SLC30A6: variants seen among roughly 807,000 people sequenced by gnomAD.
SLC30A6 encodes the protein zinc transporter 6.
SLC30A6 carries 55 observed loss-of-function variants against 63.0 expected under a neutral mutation model. That is an observed-to-expected ratio of 0.87 (90% CI 0.70 to 1.09). The LOEUF is 1.09. SLC30A6 is among the 50% of genes least tolerant of loss of function. The probability of loss-of-function intolerance (pLI) is 0.00; values close to 1 mark genes in which losing one functional copy is unlikely to be tolerated. For synonymous variants in SLC30A6, 224 were observed against 186.1 expected, an observed-to-expected ratio of 1.20 and a Z score of -1.66; for missense variants, 587 against 549.2, an observed-to-expected ratio of 1.07 and a Z score of -0.69.
At position 32,193,817 on chromosome 2, in the gene SLC30A6, C is replaced by T. The variant is rs1468143895; in HGVS notation, c.402-72C>T. The T allele has an allele frequency of 3.3e-6, 4 of 1,194,120 alleles. No individual in the cohort carries two copies. In the African/African-American group the frequency reaches 4.5e-5, roughly 14 times the overall value. The allele number at this position is 1,194,120 out of a possible 1,614,324, so 74.0% of individuals were successfully genotyped here. On this transcript the variant is annotated intron_variant, in intron 7 of 13. Transcript: ENST00000282587. ...TTTACCTTCCCACCTCTTAGTCCCT[C>T]TACGTATTGAAATTACATACTGATA...
intron 13 of SLC30A6, among the ~76,000 whole-genome samples, chr2:32,210,625 C>T (rs1466448505): frequency 6.7e-6 from 1 of 148,164 alleles, no homozygotes; most frequent in Non-Finnish European, 1.5e-5. Flanking sequence ...TCATTAAATA[C>T]TCTTCTACAG....
intron 4 of SLC30A6, among the ~76,000 whole-genome samples, chr2:32,181,620 A>G (rs1383898757): frequency 4.6e-5 from 7 of 152,160 alleles, no homozygotes; most frequent in Admixed American, 4.6e-4. Flanking sequence ...TAATCCCAGC[A>G]CTTTGGGAGT....
At chr2:32,171,453 A>G (rs1039874196) in intron 2 of SLC30A6, 80 bp downstream of exon 2, 48 of 1,119,592 alleles carry the variant, frequency 4.3e-5, no homozygotes, top group Middle Eastern at 2.0e-4. Flanking sequence ...TTTAAGGCCA[A>G]TAGAAATCAC....
At chr2:32,171,256 A>G in intron 1 of SLC30A6, 31 bp from the exon 2 acceptor site, 1 of 1,572,180 alleles carries the variant, frequency 6.4e-7, no homozygotes, top group Non-Finnish European at 8.7e-7. Flanking sequence ...TTAAATATCT[A>G]AATGCTGATT....
intron 4 of SLC30A6, among the ~76,000 whole-genome samples, chr2:32,182,578 T>C (rs1352102475): frequency 6.6e-6 from 1 of 152,162 alleles, no homozygotes. Flanking sequence ...CTGGGCCCCA[T>C]TGTAAGAATC....
intron 10 of SLC30A6, 129 bp downstream of exon 10, chr2:32,197,955 C>A: frequency 9.0e-7 from 1 of 1,110,510 alleles, no homozygotes; most frequent in South Asian, 1.6e-5. Context: ...TAGATCACAT[C>A]TTTTCCTTAG....
rs753503016 is a variant in SLC30A6 at position 32,192,921 on chromosome 2, A to G, written c.369A>G (p.Ala123=). The G allele has an allele frequency of 4.6e-6, 7 of 1,529,024 alleles. No homozygotes were observed. The highest frequency in any genetic ancestry group is 2.4e-5 in the East Asian group (1 of 42,490). The allele number at this position is 1,529,024 out of a possible 1,614,324, so 94.7% of individuals were successfully genotyped here. A position where few individuals can be genotyped will look rare whatever the true frequency, so the allele number is the denominator to read the frequency against. ...AATATATTTTTATTTCTTATAGTGCAGAACGCTTTTTGGAACAGCCCGAGA... is the reference window on the plus strand; with the variant it reads ...AATATATTTTTATTTCTTATAGTGCGGAACGCTTTTTGGAACAGCCCGAGA... ...LGALFILKES[A]ERFLEQPEIH... is the part of the protein sequence containing the mutation. The change falls in exon 7 of 14, where the codon GCA becomes GCG. Residue 123 remains alanine (A), a synonymous_variant. Transcript: ENST00000282587.
rs1453376360 is a variant in SLC30A6 at position 32,184,443 on chromosome 2, C to T, written c.284+105C>T. 8 of 549,842 alleles carry T rather than the reference C, an allele frequency of 1.5e-5. No homozygotes were observed. In the East Asian group the frequency reaches 1.9e-4, roughly 13 times the overall value. The allele number at this position is 549,842 out of a possible 1,614,324, so 34.1% of individuals were successfully genotyped here. On this transcript the variant is annotated intron_variant, in intron 5 of 13. Transcript: ENST00000282587. ...GAGTATTTCTGGAAAATAAATGCTG[C>T]GTACTTAGTGAAATGATGATCAGAT...
At chr2:32,204,241 GTT>G (rs1203678326) in intron 10 of SLC30A6, among the ~76,000 whole-genome samples, 10 of 152,180 alleles carry the variant, frequency 6.6e-5, no homozygotes, top group Non-Finnish European at 1.3e-4. Context: ...ACTAGTTGAA[GTT>G]TTTTGTCTGT....
chr2:32,202,108 C>G, intron 10 of SLC30A6: 1 of 750,296 alleles, frequency 1.3e-6, no homozygotes, highest in Non-Finnish European at 2.2e-6. Context: ...AACACATGAA[C>G]AGAAAGAAGG....
intron 10 of SLC30A6, chr2:32,203,164 C>G: frequency 8.0e-7 from 1 of 1,247,812 alleles, no homozygotes; most frequent in Non-Finnish European, 1.2e-6. Flanking sequence ...TTGGACATTC[C>G]TGAAGTTGAC....
intron 8 of SLC30A6, among the ~76,000 whole-genome samples, chr2:32,194,480 T>G (rs991336001): frequency 6.6e-6 from 1 of 152,242 alleles, no homozygotes; most frequent in African/African-American, 2.4e-5. Context: ...TTGAAGTATT[T>G]ACAACTTCAG....
At chr2:32,201,385 G>A (rs1684281221) in intron 10 of SLC30A6, among the ~76,000 whole-genome samples, 1 of 152,156 alleles carries the variant, frequency 6.6e-6, no homozygotes. Flanking sequence ...TGAAATTCCT[G>A]GGGAATTTGA....
At chr2:32,192,259 G>T (rs1683394176) in intron 5 of SLC30A6, 77 bp from the exon 6 acceptor site, 2 of 1,323,394 alleles carry the variant, frequency 1.5e-6, no homozygotes, top group Middle Eastern at 1.8e-4. Context: ...GCAAATAAAT[G>T]AATGTAAATG....
At chr2:32,190,187 G>A (rs533040842) in intron 5 of SLC30A6, among the ~76,000 whole-genome samples, 5 of 152,072 alleles carry the variant, frequency 3.3e-5, no homozygotes, top group Non-Finnish European at 5.9e-5. Context: ...GGCCGGGCGC[G>A]GTGGCTCACG....
rs150652059 is a variant in SLC30A6, at chr2:32,197,516, T to C, written c.545+124T>C. 9.5e-3 allele frequency: 11,656 copies of C among 1,230,436 alleles called. 97 individuals carry two copies. Among genetic ancestry groups the C allele is most frequent in the Middle Eastern group, 0.018 (82 of 4,548 alleles). The allele number at this position is 1,230,436 out of a possible 1,614,324, so 76.2% of individuals were successfully genotyped here. A position where few individuals can be genotyped will look rare whatever the true frequency, so the allele number is the denominator to read the frequency against. On this transcript the variant is annotated intron_variant, in intron 9 of 13. Coordinates refer to ENST00000282587, the MANE Select transcript of SLC30A6 (RefSeq NM_017964.5). ...ACGTGAATCACACAGGTCAGATTGT[T>C]ATTCTCCCTTTACTTTTTAATTGAT...
chr2:32,202,347 G>A (rs1244590491), intron 10 of SLC30A6: 3 of 362,572 alleles, frequency 8.3e-6, no homozygotes, highest in East Asian at 7.0e-5. Context: ...TTGTTTGTTT[G>A]TTTGTTTGTT....
At chr2:32,211,195 C>A (rs1685226996) in intron 13 of SLC30A6, among the ~76,000 whole-genome samples, 1 of 152,206 alleles carries the variant, frequency 6.6e-6, no homozygotes, top group South Asian at 2.1e-4. Context: ...CATTGCCTGG[C>A]CTTCAGAGTT....
chr2:32,185,632 G>T (rs1488617150), intron 5 of SLC30A6, among the ~76,000 whole-genome samples: 2 of 151,546 alleles, frequency 1.3e-5, no homozygotes, highest in African/African-American at 4.8e-5. Flanking sequence ...TTAAACAATG[G>T]GAAGAAGTAA....
Sources: gnomAD v4.1 joint callset for allele counts (sites outside exome capture counted in the v4.1 genomes callset) on GRCh38, gnomAD v4.1.1 for gene constraint, MANE v1.5 for transcripts, NCBI Gene and HGNC (gene_info 2026-07-23, HGNC 2026-07-21) for gene names.